EVI5: variants seen among roughly 807,000 people sequenced by gnomAD.
The protein encoded by EVI5 is ecotropic viral integration site 5 protein homolog.
In EVI5, 73 loss-of-function variants were observed where a neutral mutation model predicts 112.0. That is an observed-to-expected ratio of 0.65 (90% confidence interval 0.54 to 0.79). The LOEUF is 0.79. Among genes scored for constraint, EVI5 ranks in the 30% least tolerant of loss-of-function variants. The probability of loss-of-function intolerance (pLI) is 0.00; values close to 1 mark genes in which losing one functional copy is unlikely to be tolerated. For synonymous variants in EVI5, 305 were observed against 319.9 expected (o/e 0.95, Z 0.50); for missense variants, 900 against 968.8 (o/e 0.93, Z 0.94).
chr1:92,774,735 T>C (rs1436639464), intron 1 of EVI5, among the ~76,000 whole-genome samples: 1 of 152,178 alleles, frequency 6.6e-6, no homozygotes, highest in Non-Finnish European at 1.5e-5. Context: ...AGTTTAACTG[T>C]GTGAGTTGGA....
intron 19 of EVI5, among the ~76,000 whole-genome samples, chr1:92,552,669 C>T (rs764808403): frequency 2.0e-5 from 3 of 152,124 alleles, no homozygotes; most frequent in African/African-American, 4.8e-5. Flanking sequence ...CCTTGTTTTA[C>T]GTTGATTCTG....
chr1:92,695,562 A>G, intron 6 of EVI5, 109 bp from the exon 7 acceptor site: 1 of 621,408 alleles, frequency 1.6e-6, no homozygotes, highest in Non-Finnish European at 2.6e-6. Flanking sequence ...ATCAAGCATC[A>G]TATGGAAAAG....
At chr1:92,651,828 G>A (rs1228245038) in intron 13 of EVI5, among the ~76,000 whole-genome samples, 1 of 144,254 alleles carries the variant, frequency 6.9e-6, no homozygotes, top group African/African-American at 2.6e-5. Flanking sequence ...TCCAGCCTGG[G>A]CGACAGAGCG....
At chr1:92,705,483 T>A (rs774560235) in intron 2 of EVI5, among the ~76,000 whole-genome samples, 1 of 152,194 alleles carries the variant, frequency 6.6e-6, no homozygotes, top group Non-Finnish European at 1.5e-5. Flanking sequence ...TCACTTTCCA[T>A]AATCCCTACA....
intron 13 of EVI5, among the ~76,000 whole-genome samples, chr1:92,652,622 A>C (rs569680189): frequency 6.6e-6 from 1 of 152,348 alleles, no homozygotes; most frequent in African/African-American, 2.4e-5. Context: ...ACAAAAGCTA[A>C]GATATGGAAT....
At chr1:92,760,915 G>A (rs886165842) in intron 1 of EVI5, among the ~76,000 whole-genome samples, 2 of 151,500 alleles carry the variant, frequency 1.3e-5, no homozygotes, top group Admixed American at 6.6e-5. Flanking sequence ...AAAATTAAAC[G>A]GGCGTGGTGG....
chr1:92,645,525 T>G (rs1048936923), intron 13 of EVI5, among the ~76,000 whole-genome samples: 1 of 152,178 alleles, frequency 6.6e-6, no homozygotes, highest in Non-Finnish European at 1.5e-5. Flanking sequence ...TTGGCCTCTG[T>G]AATTTCTAAT....
chr1:92,513,967 T>C lies in EVI5; in HGVS notation c.2170A>G (p.Arg724Gly), dbSNP rs969429528. 1.3e-6 allele frequency: 2 copies of C among 1,534,748 alleles called. No homozygotes were observed. The highest frequency in any genetic ancestry group is 1.8e-6 in the Non-Finnish European group (2 of 1,138,102). ...AAGCCCCTCTGGCCTTTTAGGCACC[T>C]GAGCTGTTAAAACAAAATCCAAGTT... is the stretch of plus-strand genomic sequence containing the variant. ...DQIAELNHEL[R>G]CLKGQRGFSG... Residue 724 changes from arginine to glycine, a missense_variant, in exon 20 of 20, where the codon AGG becomes GGG. Transcript: ENST00000684568.
At chr1:92,711,840 T>C (rs1187504579) in intron 2 of EVI5, among the ~76,000 whole-genome samples, 1 of 152,132 alleles carries the variant, frequency 6.6e-6, no homozygotes, top group East Asian at 1.9e-4. Flanking sequence ...ACAAAATATC[T>C]TGGACTGGGT....
intron 1 of EVI5, among the ~76,000 whole-genome samples, chr1:92,752,450 C>G (rs993703078): frequency 1.3e-5 from 2 of 152,182 alleles, no homozygotes; most frequent in African/African-American, 2.4e-5. Flanking sequence ...GCTGGGATTA[C>G]AGGCGTGAGC....
intron 2 of EVI5, among the ~76,000 whole-genome samples, chr1:92,718,422 C>A (rs1000708739): frequency 6.6e-6 from 1 of 152,136 alleles, no homozygotes; most frequent in Admixed American, 6.5e-5. Flanking sequence ...GGAAACTGAA[C>A]AACCTGCTCC....
At chr1:92,673,817 T>C (rs4294424) in intron 10 of EVI5, among the ~76,000 whole-genome samples, 93,300 of 152,030 alleles carry the variant, frequency 0.61, 29,487 homozygotes, top group East Asian at 0.93. Flanking sequence ...TGAAAAAATA[T>C]TTAAAAGTCG....
At chr1:92,728,724 C>CA (rs1360264692) in intron 2 of EVI5, among the ~76,000 whole-genome samples, 1 of 152,096 alleles carries the variant, frequency 6.6e-6, no homozygotes, top group African/African-American at 2.4e-5. Context: ...AACTGTAGTC[C>CA]AAAAATATTA....
intron 7 of EVI5, among the ~76,000 whole-genome samples, 160 bp from the exon 8 acceptor site, chr1:92,694,548 G>A (rs189050740): frequency 2.2e-3 from 329 of 152,182 alleles, no homozygotes; most frequent in African/African-American, 7.4e-3. Flanking sequence ...AGGTTTGGTG[G>A]GCTATATTGT....
chr1:92,629,195 C>A (rs934413535), intron 14 of EVI5, among the ~76,000 whole-genome samples: 105 of 152,140 alleles, frequency 6.9e-4, no homozygotes, highest in African/African-American at 2.4e-3. Flanking sequence ...CTCAACAAAT[C>A]GAGATAATAC....
chr1:92,612,475 G>A (rs1260716061), intron 16 of EVI5, among the ~76,000 whole-genome samples: 1 of 152,018 alleles, frequency 6.6e-6, no homozygotes, highest in Non-Finnish European at 1.5e-5. Context: ...TTGGGAGGCC[G>A]AGGCGGGAGG....
chr1:92,669,739 T>C (rs1199859209), intron 10 of EVI5, among the ~76,000 whole-genome samples: 1 of 152,110 alleles, frequency 6.6e-6, no homozygotes, highest in Non-Finnish European at 1.5e-5. Flanking sequence ...TCTTCCAGTA[T>C]ATTTTTGAAC....
chr1:92,689,451 C>A (rs570935462), intron 9 of EVI5, among the ~76,000 whole-genome samples: 2 of 152,060 alleles, frequency 1.3e-5, no homozygotes, highest in Admixed American at 6.6e-5. Context: ...CAGCCAGGAC[C>A]GCCCAGGCTC....
chr1:92,641,738 A>C (rs1258287845), intron 13 of EVI5, among the ~76,000 whole-genome samples: 2 of 152,186 alleles, frequency 1.3e-5, no homozygotes, highest in Non-Finnish European at 2.9e-5. Context: ...ATGACCCCAA[A>C]AGGATGTTTG....
Sources: allele counts gnomAD v4.1 joint callset (sites outside exome capture counted in the v4.1 genomes callset), GRCh38; gene constraint gnomAD v4.1.1; transcripts MANE v1.5; gene names NCBI Gene and HGNC (gene_info 2026-07-23, HGNC 2026-07-21).